The following BCKDHB variants were observed in gnomAD, a reference collection of about 807,000 sequenced individuals.
The protein encoded by BCKDHB is 2-oxoisovalerate dehydrogenase subunit beta, mitochondrial.
Under a neutral mutation model 48.5 loss-of-function variants are expected in BCKDHB, and 41 were observed. The ratio of observed to expected loss-of-function variants is 0.85; its 90% confidence interval spans 0.66 to 1.10. The LOEUF (loss-of-function observed/expected upper bound fraction) is 1.10, where lower values mean the gene tolerates loss of function less well. Among genes scored for constraint, BCKDHB ranks in the 50% least tolerant of loss-of-function variants. The probability of loss-of-function intolerance (pLI) is 0.00; values close to 1 mark genes in which losing one functional copy is unlikely to be tolerated. For missense variants in BCKDHB, 496 were observed against 494.2 expected, an observed-to-expected ratio of 1.00 and a Z score of -0.03; for synonymous variants, 201 against 174.8, an observed-to-expected ratio of 1.15 and a Z score of -1.18.
the BCKDHB span, among the ~76,000 whole-genome samples, chr6:80,459,014 G>C: frequency 5.3e-5 from 8 of 152,126 alleles, no homozygotes; most frequent in East Asian, 5.8e-4. Context: ...AATTGGAACC[G>C]TTGTGCAATG....
the BCKDHB span, among the ~76,000 whole-genome samples, chr6:80,454,486 G>C: frequency 7.3e-6 from 1 of 136,286 alleles, no homozygotes; most frequent in African/African-American, 2.7e-5. Context: ...CTACACTCTT[G>C]AGGATCTACA....
chr6:80,394,130 T>C, the BCKDHB span, among the ~76,000 whole-genome samples: 9 of 152,304 alleles, frequency 5.9e-5, no homozygotes, highest in African/African-American at 2.2e-4. Context: ...CTTTTTAGAA[T>C]ATTTATCTCT....
chr6:80,282,798 T>C (rs1766405861), intron 9 of BCKDHB, among the ~76,000 whole-genome samples: 1 of 152,144 alleles, frequency 6.6e-6, no homozygotes, highest in East Asian at 1.9e-4. Context: ...TTTATGTACA[T>C]ACATGTCACT....
chr6:80,139,496 G>C (rs1478852208), intron 3 of BCKDHB, among the ~76,000 whole-genome samples: 1 of 150,668 alleles, frequency 6.6e-6, no homozygotes, highest in South Asian at 2.1e-4. Context: ...TGTAAGGAAG[G>C]GATCCAGTTT....
chr6:80,143,090 C>T (rs189932472), intron 3 of BCKDHB, among the ~76,000 whole-genome samples: 83 of 152,202 alleles, frequency 5.5e-4, no homozygotes, highest in African/African-American at 2.0e-3. Context: ...TGGTCAATAT[C>T]TGGGGATGCT....
At chr6:80,431,333 G>C in the BCKDHB span, among the ~76,000 whole-genome samples, 1 of 152,104 alleles carries the variant, frequency 6.6e-6, no homozygotes, top group Non-Finnish European at 1.5e-5. Context: ...ATGTCTATTA[G>C]GCCTGCTTGG....
In BCKDHB at chr6:80,280,786, C is replaced by T. The variant is rs114731640; in HGVS notation, c.1038+7565C>T. On this transcript the variant is annotated intron_variant, in intron 9 of 9. Transcript: ENST00000320393. Reference sequence around the variant, plus strand: ...TGTGATTAAACTAGGTGAGATTTGACGGTCTTCTAAACCAAGGACATGGGA... The same window carrying T: ...TGTGATTAAACTAGGTGAGATTTGATGGTCTTCTAAACCAAGGACATGGGA... Among the ~76,000 whole-genome samples, 768 of 152,200 alleles carry T rather than the reference C, an allele frequency of 5.0e-3. 3 individuals carry two copies. The highest frequency in any genetic ancestry group is 0.016 in the African/African-American group (671 of 41,536).
chr6:80,277,996 T>G (rs1778038515), intron 9 of BCKDHB, among the ~76,000 whole-genome samples: 1 of 152,130 alleles, frequency 6.6e-6, no homozygotes, highest in Admixed American at 6.5e-5. Context: ...CTACTAAATT[T>G]CCAAGCACTT....
At chr6:80,201,671 T>C (rs964979208) in intron 7 of BCKDHB, among the ~76,000 whole-genome samples, 2 of 152,210 alleles carry the variant, frequency 1.3e-5, no homozygotes, top group East Asian at 3.9e-4. Context: ...TTCCATATCT[T>C]CCTTTTTTTC....
the BCKDHB span, chr6:80,374,346 T>C: frequency 1.1e-6 from 1 of 915,444 alleles, no homozygotes; most frequent in East Asian, 2.4e-5. Context: ...CTAGCCCCAC[T>C]GCTTGGCCTG....
chr6:80,407,606 C>G, the BCKDHB span, among the ~76,000 whole-genome samples: 4 of 152,056 alleles, frequency 2.6e-5, no homozygotes, highest in Non-Finnish European at 4.4e-5. Context: ...ATTTTATTCC[C>G]TTTGTAGCAA....
chr6:80,380,467 A>G, the BCKDHB span, among the ~76,000 whole-genome samples: 30 of 151,980 alleles, frequency 2.0e-4, no homozygotes, highest in Admixed American at 1.3e-4. Flanking sequence ...ACATAAGACT[A>G]GAAACTATAA....
intron 9 of BCKDHB, among the ~76,000 whole-genome samples, chr6:80,294,807 C>T (rs11961345): frequency 0.069 from 10,289 of 150,124 alleles, 511 homozygotes; most frequent in South Asian, 0.22. Flanking sequence ...ACAACACATG[C>T]ATCACTGAAC....
chr6:80,107,188 C>T (rs1275977102), intron 1 of BCKDHB, among the ~76,000 whole-genome samples: 1 of 151,556 alleles, frequency 6.6e-6, no homozygotes, highest in Non-Finnish European at 1.5e-5. Flanking sequence ...GGAACGCCTC[C>T]CTTTTCTCTG....
chr6:80,268,705 A>C (rs945009342), intron 8 of BCKDHB, among the ~76,000 whole-genome samples: 2 of 152,128 alleles, frequency 1.3e-5, no homozygotes, highest in Admixed American at 6.6e-5. Flanking sequence ...TGGTTTGCCT[A>C]TCTGTATCAG....
chr6:80,360,830 A>G, the BCKDHB span, among the ~76,000 whole-genome samples: 1 of 151,530 alleles, frequency 6.6e-6, no homozygotes, highest in Non-Finnish European at 1.5e-5. Flanking sequence ...ATATGGTGAA[A>G]CCCGTCTCTA....
At chr6:80,407,223 T>A in the BCKDHB span, among the ~76,000 whole-genome samples, 1 of 152,216 alleles carries the variant, frequency 6.6e-6, no homozygotes, top group African/African-American at 2.4e-5. Flanking sequence ...ATATATCTGC[T>A]TCGATAACAA....
At chr6:80,127,310 C>T (rs748343789) in intron 1 of BCKDHB, 1 of 474,610 alleles carries the variant, frequency 2.1e-6, no homozygotes, top group Non-Finnish European at 3.8e-6. Context: ...ATTCCTTCTT[C>T]CTGTTTTATA....
chr6:80,122,294 G>T (rs1562063789), intron 1 of BCKDHB, among the ~76,000 whole-genome samples: 1 of 152,198 alleles, frequency 6.6e-6, no homozygotes, highest in African/African-American at 2.4e-5. Context: ...GTTCATCAGG[G>T]ATATTAGTCT....
Sources: allele counts gnomAD v4.1 joint callset (sites outside exome capture counted in the v4.1 genomes callset), GRCh38; gene constraint gnomAD v4.1.1; transcripts MANE v1.5; gene names NCBI Gene and HGNC (gene_info 2026-07-23, HGNC 2026-07-21).